Variants in SLC43A2 observed in about 807,000 individuals in gnomAD.
The protein encoded by SLC43A2 is solute carrier family 43 member 2.
SLC43A2 carries 38 observed loss-of-function variants against 63.2 expected under a neutral mutation model. The observed-to-expected ratio is 0.60, with a 90% CI of 0.46 to 0.79. The LOEUF (loss-of-function observed/expected upper bound fraction) is 0.79. SLC43A2 is among the 30% of genes least tolerant of loss of function. The probability of loss-of-function intolerance (pLI) is 0.00; values close to 1 mark genes in which losing one functional copy is unlikely to be tolerated. For missense variants in SLC43A2, 644 were observed against 756.2 expected (o/e 0.85, Z 1.74); for synonymous variants, 322 against 331.0 (o/e 0.97, Z 0.30).
At chr17:1,576,794 G>C (rs7222193) in intron 12 of SLC43A2, 74 bp from the exon 13 acceptor site, 8 of 1,563,904 alleles carry the variant, frequency 5.1e-6, no homozygotes, top group Non-Finnish European at 6.9e-6. Flanking sequence ...TGGTGACCCC[G>C]GGCTGCACCG....
intron 5 of SLC43A2, among the ~76,000 whole-genome samples, chr17:1,607,912 C>T (rs1906765961): frequency 6.6e-6 from 1 of 152,128 alleles, no homozygotes; most frequent in Non-Finnish European, 1.5e-5. Context: ...GACGGGGTTT[C>T]ACCATGTTGG....
chr17:1,575,745 A>C lies in SLC43A2; in HGVS notation c.1569T>G (p.Leu523=). The C allele has an allele frequency of 6.2e-7, 1 of 1,612,556 alleles. No individual in the cohort carries two copies. Among genetic ancestry groups the C allele is most frequent in the Non-Finnish European group, 8.5e-7 (1 of 1,179,660 alleles). ...DPLWVNVGLL[L]LSLLGFCLPL... ...GGAGGCAGAAGCCCAGCAGGCTGAG[A>C]AGGAGCAGCCCCACGTTCACCTGGG... Residue 523 remains leucine (L), a synonymous_variant, in exon 14 of 14, where the codon CTT becomes CTG. Coordinates refer to ENST00000301335, the MANE Select transcript of SLC43A2 (RefSeq NM_152346.3).
intron 2 of SLC43A2, among the ~76,000 whole-genome samples, chr17:1,621,600 T>C (rs1029964607): frequency 2.0e-5 from 3 of 152,180 alleles, no homozygotes; most frequent in African/African-American, 7.2e-5. Context: ...CCCTGAGCAG[T>C]GGTCCCAGCA....
chr17:1,616,074 T>C (rs1907635937), intron 3 of SLC43A2, among the ~76,000 whole-genome samples: 1 of 149,668 alleles, frequency 6.7e-6, no homozygotes, highest in Non-Finnish European at 1.5e-5. Flanking sequence ...AGCACAGATA[T>C]ACATCATTTA....
chr17:1,623,407 C>T (rs982475761), intron 2 of SLC43A2, among the ~76,000 whole-genome samples: 3 of 152,142 alleles, frequency 2.0e-5, no homozygotes, highest in African/African-American at 4.8e-5. Context: ...AGGCAGAGGC[C>T]GTGATGACTT....
At chr17:1,613,546 G>A (rs903724668) in intron 4 of SLC43A2, among the ~76,000 whole-genome samples, 8 of 152,100 alleles carry the variant, frequency 5.3e-5, no homozygotes, top group African/African-American at 1.2e-4. Flanking sequence ...TCTGACTCCC[G>A]GGTTCAAGTG....
intron 2 of SLC43A2, among the ~76,000 whole-genome samples, chr17:1,622,820 AG>A (rs1908295332): frequency 6.6e-6 from 1 of 152,148 alleles, no homozygotes; most frequent in Non-Finnish European, 1.5e-5. Flanking sequence ...AGGCTGAGGC[AG>A]GAGAATCACT....
chr17:1,576,675 C>CAG lies in SLC43A2; in HGVS notation c.1468_1469dup (p.Ile491Ter). The CAG allele has an allele frequency of 1.2e-6, 2 of 1,611,198 alleles. No individual in the cohort carries two copies. The highest frequency in any genetic ancestry group is 1.7e-6 in the Non-Finnish European group (2 of 1,179,950). On this transcript the variant is annotated frameshift_variant, in exon 13 of 14. Transcript: ENST00000301335. LOFTEE classifies it high-confidence loss of function. Reference sequence around the variant, plus strand: ...GCAGAAGGGCGAAGAGCGCGCTGATCAGAGACTGCAGTCCCGTGAGGCTGC... The same window carrying CAG: ...GCAGAAGGGCGAAGAGCGCGCTGATCAGAGAGACTGCAGTCCCGTGAGGCTGC...
In SLC43A2 at chr17:1,572,029, T is replaced by G. The variant is rs550912933; in HGVS notation, c.*3575A>C. On this transcript the variant is annotated 3_prime_UTR_variant, in exon 14 of 14. Coordinates refer to ENST00000301335, the MANE Select transcript of SLC43A2 (RefSeq NM_152346.3). ...AGGGGCAGACGGGAGGCCCGGCCAC[T>G]GGTGCCTGCTCCTTTGATCAGCTGT... 6.6e-6 allele frequency: 1 copy of G among 152,334 alleles called. No individual in the cohort carries two copies. The highest frequency in any genetic ancestry group is 6.6e-5 in the Admixed American group (1 of 15,246). 9.4% of individuals were successfully genotyped at this position (152,334 alleles called of 1,614,324 possible).
chr17:1,582,132 T>A (rs1046419809), intron 11 of SLC43A2, among the ~76,000 whole-genome samples: 1 of 151,194 alleles, frequency 6.6e-6, no homozygotes, highest in Non-Finnish European at 1.5e-5. Flanking sequence ...CAGGCTGGAG[T>A]GCAGTGGCGC....
rs1363651564 is a variant in SLC43A2, at chr17:1,605,627, G to A, written c.501+7568C>T. On this transcript the variant is annotated intron_variant, in intron 5 of 13. Coordinates refer to ENST00000301335, the MANE Select transcript of SLC43A2 (RefSeq NM_152346.3). This position sits in a 1 kb window ranked among gnomAD's most constrained non-coding sequence, Gnocchi z 4.9. ...GGGGCTGGGGAGCTGGGTGGTGGGT[G>A]GGGGCTGGCATTCTGGCCCTCGGGT... Among the ~76,000 whole-genome samples, 2 of 151,414 alleles carry A rather than the reference G, an allele frequency of 1.3e-5. No individual in the cohort carries two copies. The highest frequency in any genetic ancestry group is 6.6e-5 in the Admixed American group (1 of 15,228).
Position 1,570,601 on chromosome 17 carries a change from C to T in SLC43A2, c.*5003G>A, listed in dbSNP as rs1277979357. On this transcript the variant is annotated 3_prime_UTR_variant, in exon 14 of 14. Transcript: ENST00000301335. The stretch of plus-strand genomic sequence containing the variant: ...TCCCGGGTTCACACCATTCTCCTGC[C>T]TCAGCCTCCCAAGTAGCTGGGACTA... 1 of 149,814 alleles carries T rather than the reference C, an allele frequency of 6.7e-6. No homozygotes were observed. The highest frequency in any genetic ancestry group is 1.5e-5 in the Non-Finnish European group (1 of 67,256). The allele number at this position is 149,814 out of a possible 1,614,324, so 9.3% of individuals were successfully genotyped here.
Position 1,593,970 on chromosome 17 carries a change from G to A in SLC43A2, c.502-691C>T, listed in dbSNP as rs781245810. 2.6e-5 allele frequency among the ~76,000 whole-genome samples: 4 copies of A among 152,086 alleles called. No individual in the cohort carries two copies. The highest frequency in any genetic ancestry group is 7.2e-5 in the African/African-American group (3 of 41,416). The stretch of plus-strand genomic sequence containing the variant: ...TTCTCCTGCCTCAGCCTCCCAAGTC[G>A]CGAGATTAGAGATGCCCGCCACCAT... On this transcript the variant is annotated intron_variant, in intron 5 of 13. Transcript: ENST00000301335. This position sits in a 1 kb window ranked among gnomAD's most constrained non-coding sequence, Gnocchi z 5.3.
rs530523529 is a variant in SLC43A2 at position 1,612,207 on chromosome 17, G to C, written c.501+988C>G. ...TCAAACTCCTGACCTCAAGTGATCC[G>C]CCTGCCTCAGTCTCCCAAAGTGCTG... On this transcript the variant is annotated intron_variant, in intron 5 of 13. Transcript: ENST00000301335. 7.9e-5 allele frequency among the ~76,000 whole-genome samples: 12 copies of C among 152,122 alleles called. No individual in the cohort carries two copies. The South Asian group carries it at 2.3e-3, about 29-fold the overall frequency.
intron 8 of SLC43A2, 24 bp downstream of exon 8, chr17:1,591,245 C>G (rs747439633): frequency 1.9e-6 from 3 of 1,598,858 alleles, no homozygotes; most frequent in Non-Finnish European, 2.5e-6. Context: ...TGCCCGTCGC[C>G]CGGCTGCGGT....
At chr17:1,601,590 C>T (rs893857545) in intron 5 of SLC43A2, among the ~76,000 whole-genome samples, 63 of 151,338 alleles carry the variant, frequency 4.2e-4, no homozygotes, top group African/African-American at 1.5e-3. Context: ...CAAAACGATG[C>T]AAAGGCGCTA....
chr17:1,608,343 C>T (rs1906798787), intron 5 of SLC43A2, among the ~76,000 whole-genome samples: 1 of 152,060 alleles, frequency 6.6e-6, no homozygotes, highest in South Asian at 2.1e-4. Flanking sequence ...TTTTTGCCTC[C>T]AGTGGGAGAG....
Position 1,591,729 on chromosome 17 carries a change from G to T in SLC43A2, c.595-30C>A, listed in dbSNP as rs2002673. 1.3e-4 allele frequency: 108 copies of T among 854,664 alleles called. 1 individual carries two copies. The highest frequency in any genetic ancestry group is 3.6e-4 in the East Asian group (12 of 33,576). The allele number at this position is 854,664 out of a possible 1,614,324, so 52.9% of individuals were successfully genotyped here. A position where few individuals can be genotyped will look rare whatever the true frequency, so the allele number is the denominator to read the frequency against. On this transcript the variant is annotated intron_variant, in intron 6 of 13. Coordinates refer to ENST00000301335, the MANE Select transcript of SLC43A2 (RefSeq NM_152346.3). ...CAGGCACCGCGGGGACGGGGTGGGG[G>T]GGGGAGGGGGCAGAGTTAGCCCGGG...
At chr17:1,582,753 T>G (rs2076039289) in intron 11 of SLC43A2, among the ~76,000 whole-genome samples, 1 of 152,094 alleles carries the variant, frequency 6.6e-6, no homozygotes, top group African/African-American at 2.4e-5. Context: ...AAAGGGCTGG[T>G]GGGCTGCTCG....
Sources: gnomAD v4.1 joint callset for allele counts (sites outside exome capture counted in the v4.1 genomes callset) on GRCh38, gnomAD v4.1.1 for gene constraint, Gnocchi (gnomAD v3.1) non-coding constraint, MANE v1.5 for transcripts, NCBI Gene and HGNC (gene_info 2026-07-23, HGNC 2026-07-21) for gene names.